MELTF: variants seen among roughly 807,000 people sequenced by gnomAD.
The protein encoded by MELTF is antigen p97 (melanoma associated) identified by monoclonal antibodies 133.2 and 96.5.
In MELTF, 67 loss-of-function variants were observed where a neutral mutation model predicts 83.7. The observed-to-expected ratio is 0.80, with a 90% CI of 0.66 to 0.98. The LOEUF (loss-of-function observed/expected upper bound fraction) is 0.98. MELTF is among the 50% of genes least tolerant of loss of function. The pLI, the probability that MELTF is intolerant of heterozygous loss-of-function variation, is 0.00. For synonymous variants in MELTF, 462 were observed against 447.6 expected, an observed-to-expected ratio of 1.03 and a Z score of -0.41; for missense variants, 1,002 against 1,035.6, an observed-to-expected ratio of 0.97 and a Z score of 0.44.
intron 2 of MELTF, among the ~76,000 whole-genome samples, chr3:197,027,440 G>A (rs980920997): frequency 6.6e-6 from 1 of 152,248 alleles, no homozygotes; most frequent in Non-Finnish European, 1.5e-5. Context: ...ATGGCAAGAT[G>A]AGCAAGTAAC....
At position 197,003,300 on chromosome 3, in the gene MELTF, T is replaced by C; in HGVS notation, c.*72A>G. 9.7e-7 allele frequency: 1 copy of C among 1,026,070 alleles called. No homozygotes were observed. Among genetic ancestry groups the C allele is most frequent in the East Asian group, 8.6e-5 (1 of 11,622 alleles). 63.6% of individuals were successfully genotyped at this position (1,026,070 alleles called of 1,614,324 possible). A position where few individuals can be genotyped will look rare whatever the true frequency, so the allele number is the denominator to read the frequency against. On this transcript the variant is annotated 3_prime_UTR_variant, in exon 16 of 16. Transcript: ENST00000296350. The surrounding 1 kb of genome is among the most constrained non-coding windows in gnomAD (Gnocchi z 6.2). ...GGCCCGGCCTTCGCGAGCTTCCTTC[T>C]GGATTCCAGCGCGAAGCCGCCGCGG...
intron 14 of MELTF, among the ~76,000 whole-genome samples, chr3:197,005,775 C>T (rs561907413): frequency 6.6e-6 from 1 of 152,326 alleles, no homozygotes; most frequent in East Asian, 1.9e-4. Context: ...AGCTTCAGGG[C>T]CCTGGTGGGA....
Position 197,016,348 on chromosome 3 carries a change from T to C in MELTF, c.922A>G (p.Ser308Gly), listed in dbSNP as rs771881998. The C allele has an allele frequency of 6.2e-7, 1 of 1,600,688 alleles. No homozygotes were observed. The highest frequency in any genetic ancestry group is 2.2e-5 in the East Asian group (1 of 44,464). Residue 308 changes from serine to glycine, a missense_variant, in exon 8 of 16, where the codon AGC (serine) becomes GGC (glycine). Ser to Gly is a moderately conservative substitution (Grantham distance 56). Transcript: ENST00000296350. ...TCAGAGCTGAACATCTGGAAGCTGC[T>C]GCCCTCGTGGCTGAACAGACGCTGT... Reference protein sequence around the residue: ...EGQRLFSHEGSSFQMFSSEAY... With the variant: ...EGQRLFSHEGGSFQMFSSEAY...
intron 3 of MELTF, chr3:197,026,388 C>T (rs1046654573): frequency 1.5e-5 from 7 of 457,428 alleles, no homozygotes; most frequent in East Asian, 1.1e-4. Flanking sequence ...ACGCCAGGCC[C>T]GGGACAGCCC....
chr3:197,026,917 T>C, intron 2 of MELTF, 158 bp from the exon 3 acceptor site: 1 of 581,928 alleles, frequency 1.7e-6, no homozygotes, highest in Non-Finnish European at 3.1e-6. Context: ...CCCAGGGCTC[T>C]CCCCCTTTCC....
intron 6 of MELTF, chr3:197,021,155 A>G (rs1719607436): frequency 9.5e-6 from 5 of 525,668 alleles, no homozygotes; most frequent in Non-Finnish European, 1.7e-5. Context: ...AGCAGAGCAG[A>G]GCTGCTCGCT....
intron 7 of MELTF, among the ~76,000 whole-genome samples, chr3:197,016,651 C>T (rs531875479): frequency 1.3e-5 from 2 of 152,224 alleles, no homozygotes; most frequent in African/African-American, 2.4e-5. Flanking sequence ...GAGGACACGC[C>T]GTGGGGCTGG....
intron 8 of MELTF, 70 bp from the exon 9 acceptor site, chr3:197,015,586 A>G (rs1719340705): frequency 4.0e-6 from 6 of 1,505,300 alleles, no homozygotes; most frequent in African/African-American, 1.4e-5. Context: ...GTCGGACCCA[A>G]GGGAAATTCT....
At position 197,003,950 on chromosome 3, in the gene MELTF, G is replaced by A; in HGVS notation, c.2088C>T (p.Asp696=). 1 of 1,614,118 alleles carries A rather than the reference G, an allele frequency of 6.2e-7. No individual in the cohort carries two copies. Among genetic ancestry groups the A allele is most frequent in the Non-Finnish European group, 8.5e-7 (1 of 1,180,034 alleles). The change falls in exon 15 of 16, where the codon GAC becomes GAT. Residue 696 remains aspartate (D), a synonymous_variant. Coordinates refer to ENST00000296350, the MANE Select transcript of MELTF (RefSeq NM_005929.6). This position sits in a 1 kb window ranked among gnomAD's most constrained non-coding sequence, Gnocchi z 6.2. ...KTTYRGWLGL[D]YVAALEGMSS... is the part of the protein sequence containing the mutation. Reference sequence around the variant, plus strand: ...ACATCCCTTCCAGCGCCGCCACGTAGTCCAGCCCCAGCCAGCCGCGGTAGG... The same window carrying A: ...ACATCCCTTCCAGCGCCGCCACGTAATCCAGCCCCAGCCAGCCGCGGTAGG...
chr3:197,017,248 T>A lies in MELTF; in HGVS notation c.755A>T (p.Asp252Val), dbSNP rs1434522602. 3 of 1,584,706 alleles carry A rather than the reference T, an allele frequency of 1.9e-6. No individual in the cohort carries two copies. The highest frequency in any genetic ancestry group is 2.6e-6 in the Non-Finnish European group (3 of 1,166,436). Residue 252 changes from aspartate (D) to valine (V), a missense_variant, in exon 7 of 16, where the codon GAC becomes GTC. Asp to Val is a radical substitution (Grantham distance 152). Transcript: ENST00000296350. ...PSWGQALLSQ[D>V]FELLCRDGSR... ...ACCATCCCGGCACAGCAGCTCGAAGTCCTGTGACAGCAGGGCCTGGCCCCA... is the reference window on the plus strand; with the variant it reads ...ACCATCCCGGCACAGCAGCTCGAAGACCTGTGACAGCAGGGCCTGGCCCCA...
rs200998250 is a variant in MELTF at position 197,009,727 on chromosome 3, G to C, written c.1416C>G (p.Gly472=). ...CGAAACCGGCGTGGCAGGAGCGCTT[G>C]CCCCGAAGCTCATCCAAGGTGAAGG... ...SHAFTLDELR[G]KRSCHAGFGS... The change falls in exon 11 of 16, where the codon GGC becomes GGG. Residue 472 remains glycine (G), a synonymous_variant. Transcript: ENST00000296350. 1.0e-4 allele frequency: 164 copies of C among 1,613,584 alleles called. 1 individual carries two copies. The East Asian group carries it at 3.4e-3, about 34-fold the overall frequency.
At position 197,003,358 on chromosome 3, in the gene MELTF, C is replaced by A. The variant is rs1718828975; in HGVS notation, c.*14G>T. ...CCGGGCGGGCATCGGAGCTCTGGGG[C>A]GGGGCGGCCGGGCTCAGAGGGCGGG... On this transcript the variant is annotated 3_prime_UTR_variant, in exon 16 of 16. Transcript: ENST00000296350. The surrounding 1 kb of genome is among the most constrained non-coding windows in gnomAD (Gnocchi z 6.2). The A allele has an allele frequency of 9.9e-7, 1 of 1,009,526 alleles. No homozygotes were observed. The highest frequency in any genetic ancestry group is 1.2e-6 in the Non-Finnish European group (1 of 849,824). 62.5% of individuals were successfully genotyped at this position (1,009,526 alleles called of 1,614,324 possible).
At position 197,024,237 on chromosome 3, in the gene MELTF, A is replaced by G. The variant is rs540990196; in HGVS notation, c.487+66T>C. On this transcript the variant is annotated intron_variant, in intron 4 of 15. Coordinates refer to ENST00000296350, the MANE Select transcript of MELTF (RefSeq NM_005929.6). The surrounding 1 kb of genome is among the most constrained non-coding windows in gnomAD (Gnocchi z 5.3). ...CGGAGGGAGGCTACCCAGTGAAGGG[A>G]CGAGCATGGGCCAAGGAAAGGAGGG... 1.4e-5 allele frequency: 21 copies of G among 1,481,984 alleles called. No individual in the cohort carries two copies. The African/African-American group carries it at 3.0e-4, about 21-fold the overall frequency. The allele number at this position is 1,481,984 out of a possible 1,614,324, so 91.8% of individuals were successfully genotyped here. A position where few individuals can be genotyped will look rare whatever the true frequency, so the allele number is the denominator to read the frequency against.
chr3:197,006,722 G>A lies in MELTF; in HGVS notation c.1765C>T (p.Pro589Ser), dbSNP rs757048890. The A allele has an allele frequency of 1.3e-6, 2 of 1,535,898 alleles. No homozygotes were observed. Among genetic ancestry groups the A allele is most frequent in the Non-Finnish European group, 1.7e-6 (2 of 1,143,758 alleles). Reference protein sequence around the residue: ...FDNTNGHNSEPWAAELRSEDY... With the variant: ...FDNTNGHNSESWAAELRSEDY... Reference sequence around the variant, plus strand: ...TCTGACCTGAGCTCAGCAGCCCAGGGCTCGGAATTGTGGCCTGAGGGGGGT... The same window carrying A: ...TCTGACCTGAGCTCAGCAGCCCAGGACTCGGAATTGTGGCCTGAGGGGGGT... Residue 589 changes from proline to serine, a missense_variant, in exon 14 of 16, where the codon CCC becomes TCC. Pro to Ser is a moderately conservative substitution (Grantham distance 74, BLOSUM62 -1). Transcript: ENST00000296350. The surrounding 1 kb of genome is among the most constrained non-coding windows in gnomAD (Gnocchi z 5.4).
Position 197,024,043 on chromosome 3 carries a change from C to T in MELTF, c.487+260G>A, listed in dbSNP as rs572179481. 1.6e-6 allele frequency: 1 copy of T among 636,856 alleles called. No homozygotes were observed. The highest frequency in any genetic ancestry group is 2.1e-5 in the Admixed American group (1 of 47,074). The allele number at this position is 636,856 out of a possible 1,614,324, so 39.5% of individuals were successfully genotyped here. A position where few individuals can be genotyped will look rare whatever the true frequency, so the allele number is the denominator to read the frequency against. ...TTCCCACTCATGGGCTGGGCCTGTG[C>T]CTGGCTGTGCCATGTGGGACACCAC... On this transcript the variant is annotated intron_variant, in intron 4 of 15. Coordinates refer to ENST00000296350, the MANE Select transcript of MELTF (RefSeq NM_005929.6). This position sits in a 1 kb window ranked among gnomAD's most constrained non-coding sequence, Gnocchi z 5.3.
rs1718999706 is a variant in MELTF, at chr3:197,006,854, A to C, written c.1751-118T>G. ...CACAGGGAGGTGGCAACATCTGGCC[A>C]GCTCCCCAACCCTCTCCATTCTCCA... On this transcript the variant is annotated intron_variant, in intron 13 of 15. Coordinates refer to ENST00000296350, the MANE Select transcript of MELTF (RefSeq NM_005929.6). This position sits in a 1 kb window ranked among gnomAD's most constrained non-coding sequence, Gnocchi z 5.4. The C allele has an allele frequency of 3.2e-6, 3 of 947,630 alleles. No homozygotes were observed. In the Admixed American group the frequency reaches 1.1e-4, roughly 33 times the overall value. The allele number at this position is 947,630 out of a possible 1,614,324, so 58.7% of individuals were successfully genotyped here.
intron 6 of MELTF, chr3:197,019,760 C>T: frequency 6.2e-7 from 1 of 1,601,778 alleles, no homozygotes; most frequent in South Asian, 1.1e-5. Flanking sequence ...TCGCCTTCTT[C>T]CTCCTCAGAT....
chr3:197,026,592 G>C, intron 3 of MELTF, 68 bp downstream of exon 3: 1 of 1,453,426 alleles, frequency 6.9e-7, no homozygotes, highest in Non-Finnish European at 9.6e-7. Context: ...GCCAGGCCCA[G>C]CAAGGGCAGC....
intron 14 of MELTF, chr3:197,004,392 C>A: frequency 2.2e-6 from 1 of 464,964 alleles, no homozygotes; most frequent in South Asian, 2.2e-5. Context: ...GAAGAAAGAC[C>A]CAGAAATGAG....
Sources: allele counts gnomAD v4.1 joint callset (sites outside exome capture counted in the v4.1 genomes callset), GRCh38; gene constraint gnomAD v4.1.1; non-coding constraint Gnocchi (gnomAD v3.1); transcripts MANE v1.5; gene names NCBI Gene and HGNC (gene_info 2026-07-23, HGNC 2026-07-21).